KLHL3: variants seen among roughly 807,000 people sequenced by gnomAD.
KLHL3 encodes kelch-like protein 3.
In KLHL3, 19 loss-of-function variants were observed where a neutral mutation model predicts 70.5. The ratio of observed to expected loss-of-function variants is 0.27; its 90% CI spans 0.19 to 0.40. KLHL3 has a LOEUF of 0.40. KLHL3 is among the 10% of genes least tolerant of loss of function. KLHL3 has a pLI of 1.00. For missense variants in KLHL3, 512 were observed against 771.1 expected, an observed-to-expected ratio of 0.66 and a Z score of 3.98; for synonymous variants, 258 against 290.3, an observed-to-expected ratio of 0.89 and a Z score of 1.13.
At position 137,735,861 on chromosome 5, in the gene KLHL3, C is replaced by A. The variant is rs1753253035; in HGVS notation, c.-215G>T. 3.1e-6 allele frequency: 2 copies of A among 647,898 alleles called. No homozygotes were observed. The highest frequency in any genetic ancestry group is 5.5e-5 in the East Asian group (2 of 36,212). 40.1% of individuals were successfully genotyped at this position (647,898 alleles called of 1,614,324 possible). On this transcript the variant is annotated 5_prime_UTR_variant, in exon 1 of 15. Coordinates refer to ENST00000309755, the MANE Select transcript of KLHL3 (RefSeq NM_017415.3). ...CAAAAGCAGCAGCAACAGAAAATGT[C>A]TTACCCAGAGCTCCCTGCAGCCCTT...
At chr5:137,735,571 C>T (rs1753248076) in intron 1 of KLHL3, 62 bp downstream of exon 1, 2 of 1,313,188 alleles carry the variant, frequency 1.5e-6, no homozygotes, top group Non-Finnish European at 2.2e-6. Flanking sequence ...CTGGTGGCTG[C>T]ACCGCAAGCA....
chr5:137,640,454 G>A (rs1191695526), intron 8 of KLHL3, among the ~76,000 whole-genome samples: 3 of 152,212 alleles, frequency 2.0e-5, no homozygotes, highest in Non-Finnish European at 4.4e-5. Context: ...AAACTCCTGT[G>A]AGATGTTTAT....
rs1485953055 is a variant in KLHL3, at chr5:137,735,688, T to A, written c.-42A>T. The A allele has an allele frequency of 1.2e-6, 2 of 1,613,970 alleles. No homozygotes were observed. Among genetic ancestry groups the A allele is most frequent in the African/African-American group, 1.3e-5 (1 of 74,946 alleles). On this transcript the variant is annotated 5_prime_UTR_variant, in exon 1 of 15. Coordinates refer to ENST00000309755, the MANE Select transcript of KLHL3 (RefSeq NM_017415.3). ...AGGGTGGTAGCTGCTGAACTGTGTATGCACTCGGGGATCCTAGTTCTGTTC... is the reference window on the plus strand; with the variant it reads ...AGGGTGGTAGCTGCTGAACTGTGTAAGCACTCGGGGATCCTAGTTCTGTTC...
intron 3 of KLHL3, among the ~76,000 whole-genome samples, chr5:137,708,538 T>G (rs890944984): frequency 1.3e-5 from 2 of 152,196 alleles, no homozygotes; most frequent in African/African-American, 4.8e-5. Flanking sequence ...TTAAAAAATA[T>G]TTGTGTCCTA....
chr5:137,668,537 C>T (rs1291384736), intron 6 of KLHL3, among the ~76,000 whole-genome samples: 1 of 152,194 alleles, frequency 6.6e-6, no homozygotes, highest in African/African-American at 2.4e-5. Context: ...CTATTCCTTT[C>T]CCAGGGATTG....
chr5:137,704,391 C>CAA, intron 3 of KLHL3, among the ~76,000 whole-genome samples: 1 of 129,440 alleles, frequency 7.7e-6, no homozygotes, highest in East Asian at 2.2e-4. Context: ...GACTCCGTCT[C>CAA]AAAAAAAAAA....
intron 6 of KLHL3, among the ~76,000 whole-genome samples, chr5:137,665,972 C>T (rs928623891): frequency 6.6e-6 from 1 of 152,148 alleles, no homozygotes; most frequent in African/African-American, 2.4e-5. Flanking sequence ...TGTGTACAAA[C>T]ATAAGCACAT....
intron 2 of KLHL3, among the ~76,000 whole-genome samples, chr5:137,713,478 A>T (rs1018511325): frequency 6.6e-6 from 1 of 152,200 alleles, no homozygotes; most frequent in Non-Finnish European, 1.5e-5. Context: ...GGATATCCAT[A>T]TGCAAAATAA....
chr5:137,690,854 C>T (rs1017734988), intron 5 of KLHL3, among the ~76,000 whole-genome samples: 1 of 152,130 alleles, frequency 6.6e-6, no homozygotes, highest in African/African-American at 2.4e-5. Flanking sequence ...AGACACGGAA[C>T]AGAATAGCAG....
At chr5:137,642,771 A>C (rs1561587815) in intron 8 of KLHL3, among the ~76,000 whole-genome samples, 2 of 152,214 alleles carry the variant, frequency 1.3e-5, no homozygotes, top group Non-Finnish European at 2.9e-5. Context: ...AAGCAAAATA[A>C]AAAGAGAAAG....
intron 2 of KLHL3, among the ~76,000 whole-genome samples, chr5:137,717,691 A>C (rs912149737): frequency 2.0e-5 from 3 of 152,236 alleles, no homozygotes; most frequent in African/African-American, 7.2e-5. Flanking sequence ...CTATGTAATA[A>C]AATTATAGAT....
chr5:137,711,130 G>A (rs1455072358), intron 2 of KLHL3, among the ~76,000 whole-genome samples: 4 of 152,228 alleles, frequency 2.6e-5, no homozygotes, highest in African/African-American at 9.6e-5. Context: ...GTGTGAGAAT[G>A]TTGAGGCCAA....
At position 137,658,278 on chromosome 5, in the gene KLHL3, C is replaced by G; in HGVS notation, c.756G>C (p.Thr252=). ...TCTTTATCAAAGCTTCTTCTTCAAC[C>G]GTCTAGAGGTAATAATCCACAGATG... is the stretch of plus-strand genomic sequence containing the variant. ...PLLPRDYLVQ[T]VEEEALIKNN... The change falls in exon 8 of 15, where the codon ACG becomes ACC. Residue 252 remains threonine (T), a splice_region_variant and synonymous_variant. Coordinates refer to ENST00000309755, the MANE Select transcript of KLHL3 (RefSeq NM_017415.3). The G allele has an allele frequency of 1.9e-6, 3 of 1,613,912 alleles. No homozygotes were observed. Among genetic ancestry groups the G allele is most frequent in the Non-Finnish European group, 2.5e-6 (3 of 1,179,874 alleles).
At chr5:137,653,260 T>A (rs112923862) in intron 8 of KLHL3, among the ~76,000 whole-genome samples, 373 of 151,322 alleles carry the variant, frequency 2.5e-3, no homozygotes, top group Non-Finnish European at 3.3e-3. Flanking sequence ...AAAAAAAAAA[T>A]AATAATTAAT....
intron 13 of KLHL3, among the ~76,000 whole-genome samples, chr5:137,627,774 A>T (rs1029010574): frequency 6.6e-6 from 1 of 152,236 alleles, no homozygotes; most frequent in Non-Finnish European, 1.5e-5. Flanking sequence ...ATAGGAGACA[A>T]GAAGGAAAGC....
At chr5:137,723,339 C>T (rs1227863906) in intron 1 of KLHL3, among the ~76,000 whole-genome samples, 1 of 152,170 alleles carries the variant, frequency 6.6e-6, no homozygotes, top group African/African-American at 2.4e-5. Context: ...TTGGATAGAA[C>T]CATCATTTTT....
At chr5:137,673,392 T>TC (rs1751809740) in intron 6 of KLHL3, among the ~76,000 whole-genome samples, 1 of 152,124 alleles carries the variant, frequency 6.6e-6, no homozygotes, top group South Asian at 2.1e-4. Context: ...CATGATGCCA[T>TC]CCCTATTGAA....
intron 1 of KLHL3, among the ~76,000 whole-genome samples, chr5:137,728,980 T>TAA (rs372903726): frequency 1.3e-3 from 167 of 128,108 alleles, no homozygotes; most frequent in African/African-American, 4.4e-3. Context: ...AAATAAAAGT[T>TAA]AAAAAAAAAA....
intron 8 of KLHL3, among the ~76,000 whole-genome samples, chr5:137,648,889 C>T (rs143555105): frequency 5.9e-5 from 9 of 152,338 alleles, no homozygotes; most frequent in African/African-American, 2.2e-4. Context: ...AATTCCTATG[C>T]CTGCTTCTCC....
Sources: allele counts gnomAD v4.1 joint callset (sites outside exome capture counted in the v4.1 genomes callset), GRCh38; gene constraint gnomAD v4.1.1; transcripts MANE v1.5; gene names NCBI Gene and HGNC (gene_info 2026-07-23, HGNC 2026-07-21).